The following SFXN5 variants were observed in gnomAD, a reference collection of about 807,000 sequenced individuals.
SFXN5 encodes the protein sideroflexin-5.
Under a neutral mutation model 50.2 loss-of-function variants are expected in SFXN5, and 43 were observed. The ratio of observed to expected loss-of-function variants is 0.86; its 90% CI spans 0.67 to 1.11. The LOEUF is 1.11. SFXN5 is among the 50% of genes least tolerant of loss of function. The probability of loss-of-function intolerance (pLI) is 0.00; values close to 1 mark genes in which losing one functional copy is unlikely to be tolerated. For missense variants in SFXN5, 463 were observed against 454.1 expected, an observed-to-expected ratio of 1.02 and a Z score of -0.18; for synonymous variants, 203 against 185.8, an observed-to-expected ratio of 1.09 and a Z score of -0.75.
intron 11 of SFXN5, among the ~76,000 whole-genome samples, chr2:72,968,773 CTCTCTT>C (rs1424849123): frequency 6.6e-6 from 1 of 151,400 alleles, no homozygotes; most frequent in Non-Finnish European, 1.5e-5. Context: ...TTTCTTTCCT[CTCTCTT>C]TCTTTCTTTC....
At chr2:73,002,520 CT>C (rs946568019) in intron 6 of SFXN5, among the ~76,000 whole-genome samples, 5 of 152,194 alleles carry the variant, frequency 3.3e-5, no homozygotes, top group Non-Finnish European at 2.9e-5. Flanking sequence ...CACATATTGA[CT>C]TATTTATTAT....
intron 6 of SFXN5, among the ~76,000 whole-genome samples, chr2:73,004,116 A>T (rs1316120733): frequency 2.0e-5 from 3 of 152,178 alleles, no homozygotes; most frequent in African/African-American, 7.2e-5. Flanking sequence ...AGCAAGCTAG[A>T]GAATCAGGTC....
At chr2:73,008,033 GT>G (rs751636848) in intron 6 of SFXN5, among the ~76,000 whole-genome samples, 2 of 152,138 alleles carry the variant, frequency 1.3e-5, no homozygotes, top group Non-Finnish European at 2.9e-5. Context: ...GGATTTAAAT[GT>G]GCAAAAAAGC....
At chr2:72,968,302 G>A in intron 12 of SFXN5, 146 bp downstream of exon 12, 1 of 688,060 alleles carries the variant, frequency 1.5e-6, no homozygotes, top group Non-Finnish European at 2.5e-6. Context: ...GAAAGTCCAA[G>A]ATGGAGCAAG....
chr2:72,965,990 T>A (rs892472417), intron 12 of SFXN5, among the ~76,000 whole-genome samples: 2 of 152,186 alleles, frequency 1.3e-5, no homozygotes, highest in Non-Finnish European at 1.5e-5. Flanking sequence ...TGGGCTCATG[T>A]TCCTACCTCT....
intron 3 of SFXN5, among the ~76,000 whole-genome samples, chr2:73,027,661 C>CTT (rs908750970): frequency 6.7e-6 from 1 of 149,798 alleles, no homozygotes; most frequent in African/African-American, 2.4e-5. Flanking sequence ...CATTTTTTAT[C>CTT]TTTTTTTTTT....
intron 2 of SFXN5, among the ~76,000 whole-genome samples, chr2:73,043,557 T>C (rs887076141): frequency 1.3e-5 from 2 of 152,180 alleles, no homozygotes; most frequent in Non-Finnish European, 2.9e-5. Flanking sequence ...CAGGAACACT[T>C]TTCTTACTTG....
At chr2:73,025,705 A>C (rs1461797332) in intron 3 of SFXN5, among the ~76,000 whole-genome samples, 1 of 152,206 alleles carries the variant, frequency 6.6e-6, no homozygotes, top group Non-Finnish European at 1.5e-5. Flanking sequence ...AGGACACCCC[A>C]CATGCTCAGT....
At position 73,025,155 on chromosome 2, in the gene SFXN5, C is replaced by CA. The variant is rs1226086382; in HGVS notation, c.250-1942dup. Among the ~76,000 whole-genome samples the CA allele has an allele frequency of 1.9e-3, 281 of 150,662 alleles. 2 individuals are homozygous for CA. The highest frequency in any genetic ancestry group is 4.7e-3 in the African/African-American group (191 of 40,996). ...AGAGGTTATTTAAAAACAACAACAACAACAAAAAAAAACATAAAAGGCTGA... is the reference window on the plus strand; with the variant it reads ...AGAGGTTATTTAAAAACAACAACAACAAACAAAAAAAAACATAAAAGGCTGA... On this transcript the variant is annotated intron_variant, in intron 3 of 13. Transcript: ENST00000272433.
At chr2:72,966,242 G>A (rs1416696184) in intron 12 of SFXN5, among the ~76,000 whole-genome samples, 4 of 152,192 alleles carry the variant, frequency 2.6e-5, no homozygotes, top group Non-Finnish European at 5.9e-5. Flanking sequence ...CGCTTGACTT[G>A]TGCGAGTGTT....
intron 2 of SFXN5, among the ~76,000 whole-genome samples, chr2:73,051,439 G>A (rs1681309478): frequency 6.6e-6 from 1 of 151,954 alleles, no homozygotes; most frequent in South Asian, 2.1e-4. Context: ...TGTATTTTTA[G>A]TAGAGACAGG....
At chr2:72,991,862 G>A (rs1043382264) in intron 9 of SFXN5, among the ~76,000 whole-genome samples, 4 of 152,182 alleles carry the variant, frequency 2.6e-5, no homozygotes, top group East Asian at 1.9e-4. Flanking sequence ...GCTAATAATC[G>A]GGTTCAGGAA....
At chr2:72,980,646 T>C (rs932777606) in intron 10 of SFXN5, among the ~76,000 whole-genome samples, 3 of 152,192 alleles carry the variant, frequency 2.0e-5, no homozygotes, top group Non-Finnish European at 2.9e-5. Flanking sequence ...GACTCGGAAG[T>C]TTGGAATCTC....
intron 3 of SFXN5, among the ~76,000 whole-genome samples, chr2:73,031,853 T>C (rs920543100): frequency 6.6e-6 from 1 of 152,098 alleles, no homozygotes; most frequent in Non-Finnish European, 1.5e-5. Flanking sequence ...CCTCACAGCT[T>C]GGACTTGTAT....
At chr2:73,025,512 C>G (rs1313926856) in intron 3 of SFXN5, among the ~76,000 whole-genome samples, 2 of 152,146 alleles carry the variant, frequency 1.3e-5, no homozygotes, top group Non-Finnish European at 2.9e-5. Flanking sequence ...ACGGTGAAGC[C>G]AATGCACAGT....
intron 6 of SFXN5, among the ~76,000 whole-genome samples, chr2:73,005,744 T>C (rs1006722155): frequency 2.6e-4 from 40 of 152,172 alleles, no homozygotes; most frequent in African/African-American, 9.2e-4. Flanking sequence ...GAAGGCAAAA[T>C]TGGGGCTTTT....
chr2:73,070,005 CTGTA>C (rs1366841152), intron 1 of SFXN5, among the ~76,000 whole-genome samples: 4 of 152,162 alleles, frequency 2.6e-5, no homozygotes, highest in Non-Finnish European at 4.4e-5. Context: ...ACAGGGCAGA[CTGTA>C]TGGAGAGCTA....
intron 1 of SFXN5, among the ~76,000 whole-genome samples, chr2:73,066,323 C>A (rs1200561254): frequency 1.3e-5 from 2 of 152,154 alleles, no homozygotes; most frequent in African/African-American, 4.8e-5. Flanking sequence ...TTTGGGAGGC[C>A]GAGGCGGGTG....
intron 2 of SFXN5, among the ~76,000 whole-genome samples, chr2:73,055,803 G>A (rs1288279271): frequency 6.6e-6 from 1 of 152,036 alleles, no homozygotes; most frequent in African/African-American, 2.4e-5. Flanking sequence ...ATTTTCAGTA[G>A]AGACCGGGTT....
Sources: gnomAD v4.1 joint callset for allele counts (sites outside exome capture counted in the v4.1 genomes callset) on GRCh38, gnomAD v4.1.1 for gene constraint, MANE v1.5 for transcripts, NCBI Gene and HGNC (gene_info 2026-07-23, HGNC 2026-07-21) for gene names.